The following DDR2 variants were observed in gnomAD, a reference collection of about 807,000 sequenced individuals.
The protein encoded by DDR2 is discoidin domain-containing receptor 2.
Under a neutral mutation model 94.9 loss-of-function variants are expected in DDR2, and 27 were observed. The ratio of observed to expected loss-of-function variants is 0.28; its 90% CI spans 0.21 to 0.39. DDR2 has a LOEUF of 0.39. Among genes scored for constraint, DDR2 ranks in the 10% least tolerant of loss-of-function variants. The pLI, the probability that DDR2 is intolerant of heterozygous loss-of-function variation, is 1.00. For missense variants in DDR2, 783 were observed against 1,076.0 expected (o/e 0.73, Z 3.81); for synonymous variants, 382 against 377.2 (o/e 1.01, Z -0.15).
At chr1:162,717,377 G>C (rs1160419941) in intron 2 of DDR2, among the ~76,000 whole-genome samples, 1 of 152,154 alleles carries the variant, frequency 6.6e-6, no homozygotes, top group Non-Finnish European at 1.5e-5. Flanking sequence ...TGTGAAGCTA[G>C]TACAGGGAAT....
chr1:162,653,723 T>C (rs1483786506), intron 1 of DDR2, among the ~76,000 whole-genome samples: 1 of 152,042 alleles, frequency 6.6e-6, no homozygotes, highest in Non-Finnish European at 1.5e-5. Flanking sequence ...GGCTCAGAGA[T>C]TGTTAATGTA....
rs1297243089 is a variant in DDR2 at position 162,781,881 on chromosome 1, G to C, written c.*1635G>C. On this transcript the variant is annotated 3_prime_UTR_variant, in exon 18 of 18. Transcript: ENST00000367921. ...TGAGAAGGATTAGCCTTGACCCCTT[G>C]GGTCTGCCTCTGTTGCCCTCACCAG... 2 of 152,198 alleles carry C rather than the reference G, an allele frequency of 1.3e-5. No homozygotes were observed. Among genetic ancestry groups the C allele is most frequent in the African/African-American group, 4.8e-5 (2 of 41,440 alleles). The allele number at this position is 152,198 out of a possible 1,614,324, so 9.4% of individuals were successfully genotyped here. A position where few individuals can be genotyped will look rare whatever the true frequency, so the allele number is the denominator to read the frequency against.
chr1:162,729,302 T>TATA lies in DDR2; in HGVS notation c.82+10157_82+10158insATA, dbSNP rs67580875. Among the ~76,000 whole-genome samples, 243 of 78,926 alleles carry TATA rather than the reference T, an allele frequency of 3.1e-3. 1 individual carries two copies. The highest frequency in any genetic ancestry group is 8.2e-3 in the East Asian group (23 of 2,808). 51.8% of individuals were successfully genotyped at this position (78,926 alleles called of 152,430 possible). A position where few individuals can be genotyped will look rare whatever the true frequency, so the allele number is the denominator to read the frequency against. The stretch of plus-strand genomic sequence containing the variant: ...CATTTATATATATATATATATATAT[T>TATA]TTTTTTTTTTTTTTTTTTCCTTGGG... On this transcript the variant is annotated intron_variant, in intron 3 of 17. Transcript: ENST00000367921.
intron 13 of DDR2, among the ~76,000 whole-genome samples, chr1:162,772,951 G>A (rs1323558627): frequency 6.6e-5 from 10 of 152,096 alleles, no homozygotes; most frequent in Non-Finnish European, 1.2e-4. Context: ...TAGGTCTGGT[G>A]TTGCAAGAGG....
At chr1:162,750,800 A>G (rs1393496582) in intron 3 of DDR2, among the ~76,000 whole-genome samples, 2 of 152,218 alleles carry the variant, frequency 1.3e-5, no homozygotes, top group African/African-American at 4.8e-5. Context: ...AAACAGAGAT[A>G]TAGACCAATG....
chr1:162,632,267 G>C (rs973544068), upstream of DDR2, among the ~76,000 whole-genome samples: 1 of 152,010 alleles, frequency 6.6e-6, no homozygotes, highest in Admixed American at 6.5e-5. Context: ...TCTATGAATG[G>C]GTTTTGCTGT....
At chr1:162,731,575 A>G (rs529024470) in intron 3 of DDR2, among the ~76,000 whole-genome samples, 199 of 152,338 alleles carry the variant, frequency 1.3e-3, no homozygotes, top group Non-Finnish European at 2.2e-3. Context: ...AAACAAGTGC[A>G]ATTACTACCA....
chr1:162,778,580 G>T lies in DDR2; in HGVS notation c.2284G>T (p.Gly762Cys), dbSNP rs2102205878. ...RWMSWESILL[G>C]KFTTASDVWA... ...CCCATTCTTTTCTTTACTTAAATAG[G>T]GCAAGTTCACTACAGCAAGTGATGT... The change falls in exon 17 of 18, where the codon GGC becomes TGC. Residue 762 changes from glycine to cysteine, a missense_variant and splice_region_variant. Physicochemically the swap from Gly to Cys is radical, Grantham distance 159 (BLOSUM62 -3). Transcript: ENST00000367921. 6.2e-7 allele frequency: 1 copy of T among 1,613,882 alleles called. No homozygotes were observed. The highest frequency in any genetic ancestry group is 8.5e-7 in the Non-Finnish European group (1 of 1,179,868).
intron 7 of DDR2, among the ~76,000 whole-genome samples, chr1:162,759,013 G>T (rs1436989680): frequency 1.3e-5 from 2 of 152,116 alleles, no homozygotes; most frequent in African/African-American, 4.8e-5. Context: ...TCAGGCTTCT[G>T]GAAAACTCAG....
intron 2 of DDR2, among the ~76,000 whole-genome samples, chr1:162,663,529 G>A (rs1044536617): frequency 9.2e-5 from 14 of 152,178 alleles, no homozygotes; most frequent in African/African-American, 3.1e-4. Flanking sequence ...AAAATGATAT[G>A]AATTTTGCTG....
chr1:162,633,276 C>T (rs891530245), intron 1 of DDR2, among the ~76,000 whole-genome samples: 1 of 152,142 alleles, frequency 6.6e-6, no homozygotes, highest in African/African-American at 2.4e-5. Flanking sequence ...ATGACTGGGG[C>T]TGTTTTCATT....
intron 7 of DDR2, 121 bp from the exon 8 acceptor site, chr1:162,759,675 T>A: frequency 8.8e-7 from 1 of 1,141,378 alleles, no homozygotes; most frequent in Non-Finnish European, 1.3e-6. Context: ...AATCCTTCAA[T>A]TCCAAGATAA....
chr1:162,644,023 C>A (rs936589223), intron 1 of DDR2, among the ~76,000 whole-genome samples: 1 of 152,082 alleles, frequency 6.6e-6, no homozygotes, highest in Non-Finnish European at 1.5e-5. Context: ...CCTGTGAAAA[C>A]CCTGGATACA....
chr1:162,654,595 A>T (rs6687170), intron 1 of DDR2, among the ~76,000 whole-genome samples: 139,132 of 152,084 alleles, frequency 0.91, 64,227 homozygotes, highest in Middle Eastern at 0.98. Flanking sequence ...GGTGCGGTGG[A>T]AATGAGACTC....
At chr1:162,710,578 T>G (rs1442634893) in intron 2 of DDR2, among the ~76,000 whole-genome samples, 1 of 152,174 alleles carries the variant, frequency 6.6e-6, no homozygotes, top group African/African-American at 2.4e-5. Context: ...TATGAAATAC[T>G]CCAAAACTGC....
chr1:162,691,150 C>T (rs1210683808), intron 2 of DDR2, among the ~76,000 whole-genome samples: 1 of 152,144 alleles, frequency 6.6e-6, no homozygotes, highest in African/African-American at 2.4e-5. Context: ...CCTTTAGTGG[C>T]CTTGTGAGTT....
intron 3 of DDR2, among the ~76,000 whole-genome samples, chr1:162,750,767 A>G: frequency 6.6e-6 from 1 of 152,348 alleles, no homozygotes; most frequent in African/African-American, 2.4e-5. Flanking sequence ...TACAGTAACC[A>G]AAACAGCATG....
chr1:162,738,043 G>A (rs906979984), intron 3 of DDR2, among the ~76,000 whole-genome samples: 4 of 151,328 alleles, frequency 2.6e-5, no homozygotes, highest in Non-Finnish European at 5.9e-5. Context: ...TTGAAAACTG[G>A]CACAAGACAG....
chr1:162,689,778 C>T, intron 2 of DDR2, among the ~76,000 whole-genome samples: 1 of 139,508 alleles, frequency 7.2e-6, no homozygotes, highest in Non-Finnish European at 1.5e-5. Context: ...CCAAGGCAGG[C>T]AGATCACTTG....
Sources: gnomAD v4.1 joint callset for allele counts (sites outside exome capture counted in the v4.1 genomes callset) on GRCh38, gnomAD v4.1.1 for gene constraint, MANE v1.5 for transcripts, NCBI Gene and HGNC (gene_info 2026-07-23, HGNC 2026-07-21) for gene names.